MYO10: variants seen among roughly 807,000 people sequenced by gnomAD.
The protein encoded by MYO10 is unconventional myosin-X.
Under a neutral mutation model 257.3 loss-of-function variants are expected in MYO10, and 133 were observed. That is an observed-to-expected ratio of 0.52 (90% CI 0.45 to 0.60). The LOEUF is 0.60. MYO10 is among the 20% of genes least tolerant of loss of function. The pLI is 0.00. For synonymous variants in MYO10, 1,104 were observed against 1,028.6 expected (o/e 1.07, Z -1.40); for missense variants, 2,399 against 2,635.7 (o/e 0.91, Z 1.97).
At chr5:16,714,165 A>G (rs1738746575) in intron 19 of MYO10, among the ~76,000 whole-genome samples, 1 of 152,226 alleles carries the variant, frequency 6.6e-6, no homozygotes, top group Non-Finnish European at 1.5e-5. Context: ...AAAGCCTAAT[A>G]TTAAACTATA....
Position 16,935,986 on chromosome 5 carries a change from A to C in MYO10, c.-178T>G. On this transcript the variant is annotated 5_prime_UTR_variant, in exon 1 of 41. Transcript: ENST00000513610. ...GTCCTTCTCACCTTTTGTTCGCCCA[A>C]ACCCAAGTCCCTAACTCGCCCGTCC... is the stretch of plus-strand genomic sequence containing the variant. 1.4e-6 allele frequency: 1 copy of C among 714,902 alleles called. No homozygotes were observed. The highest frequency in any genetic ancestry group is 2.4e-6 in the Non-Finnish European group (1 of 423,950). 44.3% of individuals were successfully genotyped at this position (714,902 alleles called of 1,614,324 possible).
At chr5:16,895,019 AAC>A (rs1251683674) in intron 1 of MYO10, among the ~76,000 whole-genome samples, 1 of 152,200 alleles carries the variant, frequency 6.6e-6, no homozygotes, top group Non-Finnish European at 1.5e-5. Context: ...CACAAGAAAA[AAC>A]AGTCTCAGAC....
intron 19 of MYO10, among the ~76,000 whole-genome samples, chr5:16,724,466 C>T (rs1739274904): frequency 6.6e-6 from 1 of 152,150 alleles, no homozygotes; most frequent in South Asian, 2.1e-4. Flanking sequence ...GGTCCTGACA[C>T]TAGTTCAAAT....
intron 32 of MYO10, among the ~76,000 whole-genome samples, 185 bp from the exon 33 acceptor site, chr5:16,680,289 T>C (rs1264134533): frequency 6.6e-6 from 1 of 152,180 alleles, no homozygotes; most frequent in East Asian, 1.9e-4. Context: ...AAAGTGTCTC[T>C]TGCACTGTGA....
intron 1 of MYO10, among the ~76,000 whole-genome samples, chr5:16,899,554 G>A (rs1488871212): frequency 1.3e-5 from 2 of 148,812 alleles, no homozygotes; most frequent in African/African-American, 2.5e-5. Context: ...GGAGAATCGC[G>A]TGAACCTGGG....
chr5:16,833,923 T>G (rs1051492846), intron 2 of MYO10, among the ~76,000 whole-genome samples: 6 of 152,208 alleles, frequency 3.9e-5, no homozygotes, highest in African/African-American at 1.4e-4. Context: ...AGTGATGTAA[T>G]CTGGCCATAC....
intron 9 of MYO10, 139 bp from the exon 10 acceptor site, chr5:16,769,342 G>T: frequency 1.0e-6 from 1 of 1,002,276 alleles, no homozygotes. Flanking sequence ...CCACTCACTT[G>T]TTTTTTTGTT....
At chr5:16,693,711 G>C (rs898642354) in intron 27 of MYO10, among the ~76,000 whole-genome samples, 5 of 152,124 alleles carry the variant, frequency 3.3e-5, no homozygotes, top group Admixed American at 6.6e-5. Flanking sequence ...CATGTTTTCA[G>C]GCTTAGTATC....
intron 2 of MYO10, among the ~76,000 whole-genome samples, chr5:16,818,390 G>GTA (rs1561000786): frequency 3.1e-4 from 29 of 94,034 alleles, no homozygotes; most frequent in African/African-American, 1.4e-3. Context: ...GCGTGTGTGT[G>GTA]TGTGTGTGTG....
chr5:16,758,640 C>T (rs1233908586), intron 17 of MYO10, among the ~76,000 whole-genome samples: 1 of 152,172 alleles, frequency 6.6e-6, no homozygotes, highest in Non-Finnish European at 1.5e-5. Flanking sequence ...ACACTAATTA[C>T]AGGGTGAGGC....
At chr5:16,712,981 G>C (rs1738689815) in intron 19 of MYO10, among the ~76,000 whole-genome samples, 1 of 152,142 alleles carries the variant, frequency 6.6e-6, no homozygotes. Flanking sequence ...TGTTCTGAAG[G>C]CATTTGGTTA....
intron 1 of MYO10, among the ~76,000 whole-genome samples, chr5:16,927,493 T>C (rs1437921766): frequency 1.3e-5 from 2 of 151,942 alleles, no homozygotes; most frequent in Non-Finnish European, 2.9e-5. Context: ...CCCAGCTAGT[T>C]TTTTGTATTT....
At chr5:16,720,606 G>GT (rs1739116408) in intron 19 of MYO10, among the ~76,000 whole-genome samples, 3 of 152,128 alleles carry the variant, frequency 2.0e-5, no homozygotes, top group Admixed American at 2.0e-4. Flanking sequence ...ATATAGGCAC[G>GT]TGCCACCACA....
intron 2 of MYO10, among the ~76,000 whole-genome samples, chr5:16,846,225 C>G (rs1471312483): frequency 6.6e-6 from 1 of 152,186 alleles, no homozygotes; most frequent in African/African-American, 2.4e-5. Context: ...TATTGGCAGA[C>G]TAATTATAAC....
chr5:16,755,087 T>C (rs1332797183), intron 18 of MYO10, among the ~76,000 whole-genome samples, 179 bp from the exon 19 acceptor site: 2 of 152,266 alleles, frequency 1.3e-5, no homozygotes, highest in Non-Finnish European at 2.9e-5. Flanking sequence ...ACTGAGTCAA[T>C]GTATTAATAA....
intron 2 of MYO10, among the ~76,000 whole-genome samples, chr5:16,876,508 C>T (rs767753306): frequency 6.6e-6 from 1 of 151,970 alleles, no homozygotes; most frequent in Non-Finnish European, 1.5e-5. Flanking sequence ...ACAACATTAC[C>T]CTAAATTCTC....
chr5:16,935,227 G>C (rs1429919672), intron 1 of MYO10, among the ~76,000 whole-genome samples: 1 of 151,944 alleles, frequency 6.6e-6, no homozygotes, highest in African/African-American at 2.4e-5. Context: ...TTGATCCCAG[G>C]GTCTGGAGTT....
chr5:16,763,726 G>T lies in MYO10; in HGVS notation c.1356C>A (p.Asn452Lys). The T allele has an allele frequency of 6.2e-7, 1 of 1,606,926 alleles. No homozygotes were observed. The highest frequency in any genetic ancestry group is 8.5e-7 in the Non-Finnish European group (1 of 1,174,430). The change falls in exon 13 of 41, where the codon AAC (asparagine) becomes AAA (lysine). Residue 452 changes from asparagine to lysine, a missense_variant. Transcript: ENST00000513610. ...EVNHFEQFNI[N>K]YANEKLQEYF... ...ACTCCTGAAGTTTCTCGTTTGCATA[G>T]TTTATATTGAACTGTTCAAAGTGAT...
chr5:16,874,045 G>C (rs1284541923), intron 2 of MYO10, among the ~76,000 whole-genome samples: 1 of 152,120 alleles, frequency 6.6e-6, no homozygotes, highest in Non-Finnish European at 1.5e-5. Flanking sequence ...CCAGAAAATG[G>C]GATTTTCGAC....
Sources: gnomAD v4.1 joint callset for allele counts (sites outside exome capture counted in the v4.1 genomes callset) on GRCh38, gnomAD v4.1.1 for gene constraint, MANE v1.5 for transcripts, NCBI Gene and HGNC (gene_info 2026-07-23, HGNC 2026-07-21) for gene names.